The following SLC44A5 variants were observed in gnomAD, a reference collection of about 807,000 sequenced individuals.
The protein encoded by SLC44A5 is solute carrier family 44 member 5, also known as choline transporter-like protein 5.
In SLC44A5, 57 loss-of-function variants were observed where a neutral mutation model predicts 101.8. The observed-to-expected ratio is 0.56, with a 90% CI of 0.45 to 0.70. The LOEUF (loss-of-function observed/expected upper bound fraction) is 0.70, where lower values mean the gene tolerates loss of function less well. Among genes scored for constraint, SLC44A5 ranks in the 30% least tolerant of loss-of-function variants. The probability of loss-of-function intolerance (pLI) is 0.00; values close to 1 mark genes in which losing one functional copy is unlikely to be tolerated. For synonymous variants in SLC44A5, 281 were observed against 290.9 expected, an observed-to-expected ratio of 0.97 and a Z score of 0.35; for missense variants, 737 against 853.1, an observed-to-expected ratio of 0.86 and a Z score of 1.70.
At chr1:75,302,246 G>T (rs538297246) in intron 4 of SLC44A5, among the ~76,000 whole-genome samples, 3 of 149,702 alleles carry the variant, frequency 2.0e-5, no homozygotes, top group African/African-American at 7.4e-5. Context: ...TGTCAGAGCA[G>T]TTGTTACATA....
intron 1 of SLC44A5, 53 bp from the exon 2 acceptor site, chr1:75,541,569 C>A (rs1671357339): frequency 1.6e-6 from 2 of 1,225,632 alleles, no homozygotes; most frequent in South Asian, 1.4e-5. Flanking sequence ...TATTTTTACT[C>A]ATTAACAACT....
At chr1:75,207,436 C>T (rs1054645135) in intron 23 of SLC44A5, among the ~76,000 whole-genome samples, 2 of 152,172 alleles carry the variant, frequency 1.3e-5, no homozygotes, top group African/African-American at 2.4e-5. Context: ...TCACTGACCA[C>T]CCACCTGCTG....
chr1:75,325,443 A>G (rs1656505156), intron 4 of SLC44A5, among the ~76,000 whole-genome samples: 1 of 152,162 alleles, frequency 6.6e-6, no homozygotes. Context: ...ATTTTTATAT[A>G]TACATATATA....
At chr1:75,654,853 G>T in the SLC44A5 span, among the ~76,000 whole-genome samples, 3 of 151,936 alleles carry the variant, frequency 2.0e-5, no homozygotes, top group Non-Finnish European at 4.4e-5. Flanking sequence ...TGCAATACTC[G>T]TTTCTTTCTA....
intron 2 of SLC44A5, among the ~76,000 whole-genome samples, chr1:75,458,722 C>T (rs1434429076): frequency 2.6e-5 from 4 of 152,114 alleles, no homozygotes; most frequent in Non-Finnish European, 4.4e-5. Flanking sequence ...ATCTCTTATA[C>T]TTTGCTTAAT....
chr1:75,440,991 G>A (rs1191968773), intron 2 of SLC44A5, among the ~76,000 whole-genome samples: 1 of 151,260 alleles, frequency 6.6e-6, no homozygotes, highest in Non-Finnish European at 1.5e-5. Flanking sequence ...ATAATTTCTT[G>A]GGTTCCAAAT....
intron 3 of SLC44A5, among the ~76,000 whole-genome samples, chr1:75,386,430 G>A (rs1177171593): frequency 6.6e-6 from 1 of 152,072 alleles, no homozygotes; most frequent in African/African-American, 2.4e-5. Flanking sequence ...CAAACAGAGA[G>A]CCAAATCATG....
At chr1:75,658,259 A>G in the SLC44A5 span, among the ~76,000 whole-genome samples, 1 of 151,798 alleles carries the variant, frequency 6.6e-6, no homozygotes, top group African/African-American at 2.4e-5. Context: ...TTTTTTTTGT[A>G]GAGATGGGGT....
intron 5 of SLC44A5, among the ~76,000 whole-genome samples, chr1:75,290,638 C>A (rs1317039640): frequency 6.6e-6 from 1 of 152,138 alleles, no homozygotes; most frequent in Non-Finnish European, 1.5e-5. Context: ...TCCTACCCTC[C>A]AATCTCACAA....
intron 1 of SLC44A5, among the ~76,000 whole-genome samples, chr1:75,609,755 G>A (rs988439566): frequency 6.6e-6 from 1 of 152,070 alleles, no homozygotes; most frequent in Non-Finnish European, 1.5e-5. Context: ...CAAGATCAGT[G>A]TTGGAACTAG....
At chr1:75,457,386 T>C (rs1412880670) in intron 2 of SLC44A5, among the ~76,000 whole-genome samples, 1 of 151,892 alleles carries the variant, frequency 6.6e-6, no homozygotes, top group African/African-American at 2.4e-5. Flanking sequence ...CCTAACATCA[T>C]GGGAAAGAAA....
rs78911765 is a variant in SLC44A5 at position 75,357,141 on chromosome 1, G to A, written c.53-17511C>T. On this transcript the variant is annotated intron_variant, in intron 3 of 23. Coordinates refer to ENST00000370859, the MANE Select transcript of SLC44A5 (RefSeq NM_001130058.2). ...ATCCATGCCATCCAATCCATCTTCAGTTATCTTACTTGCAGGAATTTAGAG... is the reference window on the plus strand; with the variant it reads ...ATCCATGCCATCCAATCCATCTTCAATTATCTTACTTGCAGGAATTTAGAG... 1,841 of 453,514 alleles carry A rather than the reference G, an allele frequency of 4.1e-3. 34 individuals carry two copies. Among genetic ancestry groups the A allele is most frequent in the African/African-American group, 0.032 (1,624 of 50,058 alleles). The allele number at this position is 453,514 out of a possible 1,614,324, so 28.1% of individuals were successfully genotyped here.
chr1:75,526,242 G>A (rs1231808667), intron 2 of SLC44A5, among the ~76,000 whole-genome samples: 1 of 152,076 alleles, frequency 6.6e-6, no homozygotes, highest in African/African-American at 2.4e-5. Flanking sequence ...CTCCATCTTT[G>A]AGGGTCCTTA....
At chr1:75,418,104 C>A (rs1663773945) in intron 2 of SLC44A5, among the ~76,000 whole-genome samples, 1 of 152,186 alleles carries the variant, frequency 6.6e-6, no homozygotes, top group Admixed American at 6.5e-5. Context: ...TAGATATTTT[C>A]TTATAATTGT....
chr1:75,687,937 T>A, the SLC44A5 span, among the ~76,000 whole-genome samples: 1 of 152,164 alleles, frequency 6.6e-6, no homozygotes, highest in African/African-American at 2.4e-5. Context: ...AGTTGTTATG[T>A]CTCACTTTGA....
the SLC44A5 span, among the ~76,000 whole-genome samples, chr1:75,681,409 A>G: frequency 6.6e-6 from 1 of 151,658 alleles, no homozygotes; most frequent in South Asian, 2.1e-4. Context: ...CTTATCCACC[A>G]TGATCAAGTG....
chr1:75,216,633 T>A (rs1481472042), intron 18 of SLC44A5, among the ~76,000 whole-genome samples: 1 of 151,914 alleles, frequency 6.6e-6, no homozygotes, highest in Non-Finnish European at 1.5e-5. Context: ...TTTGTTTTTA[T>A]ATATATATAA....
At chr1:75,334,166 A>T (rs896116956) in intron 4 of SLC44A5, among the ~76,000 whole-genome samples, 36 of 152,156 alleles carry the variant, frequency 2.4e-4, no homozygotes, top group African/African-American at 8.7e-4. Flanking sequence ...TCTTTGCTTT[A>T]TATAATTGAT....
the SLC44A5 span, among the ~76,000 whole-genome samples, chr1:75,632,233 A>AGTAC: frequency 6.6e-6 from 1 of 152,284 alleles, no homozygotes; most frequent in African/African-American, 2.4e-5. Context: ...TTGCCTCTTC[A>AGTAC]GTACAGACTT....
Sources: allele counts gnomAD v4.1 joint callset (sites outside exome capture counted in the v4.1 genomes callset), GRCh38; gene constraint gnomAD v4.1.1; transcripts MANE v1.5; gene names NCBI Gene and HGNC (gene_info 2026-07-23, HGNC 2026-07-21).